The following SLC26A5 variants were observed in gnomAD, a reference collection of about 807,000 sequenced individuals.
SLC26A5 encodes solute carrier family 26 member 5.
In SLC26A5, 51 loss-of-function variants were observed where a neutral mutation model predicts 81.0. That is an observed-to-expected ratio of 0.63 (90% CI 0.50 to 0.80). The LOEUF (loss-of-function observed/expected upper bound fraction) is 0.80. SLC26A5 is among the 30% of genes least tolerant of loss of function. SLC26A5 has a pLI of 0.00. For missense variants in SLC26A5, 771 were observed against 905.8 expected (o/e 0.85, Z 1.91); for synonymous variants, 325 against 332.8 (o/e 0.98, Z 0.25).
chr7:103,371,326 C>CTT (rs770416053), downstream of SLC26A5, among the ~76,000 whole-genome samples: 18 of 142,798 alleles, frequency 1.3e-4, no homozygotes, highest in African/African-American at 3.6e-4. Context: ...TTATACACTA[C>CTT]TTTTTTTTTT....
chr7:103,362,921 G>T (rs541239073), intron 19 of SLC26A5, among the ~76,000 whole-genome samples: 1 of 151,356 alleles, frequency 6.6e-6, no homozygotes, highest in Admixed American at 6.6e-5. Context: ...AGCCTCCCGA[G>T]TAGCTGGGAT....
chr7:103,361,720 T>A (rs1002708663), intron 19 of SLC26A5, among the ~76,000 whole-genome samples: 1 of 152,282 alleles, frequency 6.6e-6, no homozygotes, highest in African/African-American at 2.4e-5. Context: ...GAGAACTTCT[T>A]AATGATGAGA....
chr7:103,432,692 T>G (rs1826167680), intron 2 of SLC26A5, among the ~76,000 whole-genome samples: 1 of 152,158 alleles, frequency 6.6e-6, no homozygotes, highest in South Asian at 2.1e-4. Flanking sequence ...ATCTGATTCT[T>G]CTGCTTGTTC....
At chr7:103,375,178 T>C (rs1205001793) in intron 19 of SLC26A5, among the ~76,000 whole-genome samples, 1 of 149,976 alleles carries the variant, frequency 6.7e-6, no homozygotes, top group East Asian at 2.0e-4. Context: ...ATATATAAAC[T>C]ATATATAGAT....
At chr7:103,415,619 A>G (rs1466544216) in intron 4 of SLC26A5, among the ~76,000 whole-genome samples, 1 of 152,154 alleles carries the variant, frequency 6.6e-6, no homozygotes, top group Admixed American at 6.5e-5. Flanking sequence ...CTCGTTCTAA[A>G]TATGTTTGTA....
At chr7:103,409,959 G>C (rs1824354222) in intron 7 of SLC26A5, among the ~76,000 whole-genome samples, 1 of 152,084 alleles carries the variant, frequency 6.6e-6, no homozygotes, top group Admixed American at 6.6e-5. Flanking sequence ...CGCCCATCTA[G>C]CCCTTTCAAA....
intron 18 of SLC26A5, 145 bp from the exon 19 acceptor site, chr7:103,377,007 A>C (rs1821402993): frequency 1.5e-5 from 9 of 603,814 alleles, no homozygotes; most frequent in Non-Finnish European, 2.4e-5. Context: ...TTTTTGAGCT[A>C]ATCAGTTAAA....
chr7:103,421,286 T>C, intron 3 of SLC26A5, 77 bp downstream of exon 3: 2 of 1,513,914 alleles, frequency 1.3e-6, no homozygotes, highest in Non-Finnish European at 1.8e-6. Flanking sequence ...ACCAAACAGA[T>C]TTTCTTTACA....
chr7:103,370,324 A>G (rs1820957765), downstream of SLC26A5, among the ~76,000 whole-genome samples: 3 of 152,150 alleles, frequency 2.0e-5, no homozygotes, highest in South Asian at 6.2e-4. Context: ...AGGGGCAGAC[A>G]TAAAAGAGCC....
At chr7:103,358,463 T>C (rs1367732740) in intron 19 of SLC26A5, among the ~76,000 whole-genome samples, 1 of 152,168 alleles carries the variant, frequency 6.6e-6, no homozygotes, top group Non-Finnish European at 1.5e-5. Context: ...GCCTCCAGGA[T>C]TGCTCCTCTA....
intron 19 of SLC26A5, among the ~76,000 whole-genome samples, chr7:103,364,634 C>T (rs985975254): frequency 6.6e-6 from 1 of 152,124 alleles, no homozygotes; most frequent in African/African-American, 2.4e-5. Context: ...TCTCAAACTC[C>T]TGGGCTCAAG....
chr7:103,361,363 A>G (rs1339701382), intron 19 of SLC26A5, among the ~76,000 whole-genome samples: 5 of 150,134 alleles, frequency 3.3e-5, no homozygotes, highest in Non-Finnish European at 5.9e-5. Flanking sequence ...ATACAAAATT[A>G]GCTAGGCATG....
intron 2 of SLC26A5, among the ~76,000 whole-genome samples, chr7:103,442,262 C>A (rs1028788227): frequency 1.3e-5 from 2 of 152,090 alleles, no homozygotes; most frequent in African/African-American, 4.8e-5. Context: ...TTCAGCCTCC[C>A]GAGTAGTTGG....
intron 19 of SLC26A5, among the ~76,000 whole-genome samples, chr7:103,365,346 G>A (rs1820654864): frequency 6.6e-6 from 1 of 151,990 alleles, no homozygotes. Context: ...AAAAAGTTTA[G>A]ATAGGCCAGG....
chr7:103,431,817 A>G (rs902776473), intron 2 of SLC26A5, among the ~76,000 whole-genome samples: 3 of 151,952 alleles, frequency 2.0e-5, no homozygotes, highest in Admixed American at 6.6e-5. Context: ...ACACTTCCCA[A>G]TCTTTCCTGG....
At chr7:103,421,986 A>G (rs1562796216) in intron 2 of SLC26A5, among the ~76,000 whole-genome samples, 1 of 152,210 alleles carries the variant, frequency 6.6e-6, no homozygotes, top group African/African-American at 2.4e-5. Context: ...TTCCAATTCT[A>G]TATTTATGGT....
In SLC26A5 at chr7:103,421,432, A is replaced by G. The variant is rs758296708; in HGVS notation, c.83T>C (p.Leu28Pro). 6.2e-7 allele frequency: 1 copy of G among 1,613,950 alleles called. No homozygotes were observed. The highest frequency in any genetic ancestry group is 1.3e-5 in the African/African-American group (1 of 74,922). The change falls in exon 3 of 20, where the codon CTC becomes CCC. Residue 28 changes from leucine (L) to proline (P), a missense_variant. Leu to Pro is a moderately conservative substitution (Grantham distance 98). Coordinates refer to ENST00000306312, the MANE Select transcript of SLC26A5 (RefSeq NM_198999.3). The part of the protein sequence containing the change: ...VERPIFSHPV[L>P]QERLHTKDKV... ...GTCCTTTGTGTGTAGTCTTTCCTGG[A>G]GGACCGGATGACTAAAGATAGGCCT... is the stretch of plus-strand genomic sequence containing the variant.
chr7:103,439,499 T>C (rs1826707911), intron 2 of SLC26A5, among the ~76,000 whole-genome samples: 1 of 152,176 alleles, frequency 6.6e-6, no homozygotes, highest in African/African-American at 2.4e-5. Context: ...TCTGCTCCAG[T>C]CACATGGACT....
chr7:103,429,077 T>A (rs1322690050), intron 2 of SLC26A5, among the ~76,000 whole-genome samples: 1 of 152,212 alleles, frequency 6.6e-6, no homozygotes, highest in Non-Finnish European at 1.5e-5. Flanking sequence ...GTGACAACAT[T>A]CTGGGAACAG....
Sources: gnomAD v4.1 joint callset for allele counts (sites outside exome capture counted in the v4.1 genomes callset) on GRCh38, gnomAD v4.1.1 for gene constraint, MANE v1.5 for transcripts, NCBI Gene and HGNC (gene_info 2026-07-23, HGNC 2026-07-21) for gene names.